Variants in SLC22A2 observed in about 807,000 individuals in gnomAD.
SLC22A2 encodes solute carrier family 22 member 2, also known as organic cation transporter 2.
A neutral mutation model predicts 60.5 loss-of-function variants in SLC22A2; 46 were observed. The observed-to-expected ratio is 0.76, with a 90% CI of 0.60 to 0.97. The LOEUF (loss-of-function observed/expected upper bound fraction) is 0.97. SLC22A2 is among the 50% of genes least tolerant of loss of function. SLC22A2 has a pLI of 0.00. For missense variants in SLC22A2, 701 were observed against 706.6 expected, an observed-to-expected ratio of 0.99 and a Z score of 0.09; for synonymous variants, 303 against 267.0, an observed-to-expected ratio of 1.13 and a Z score of -1.31.
Position 160,217,686 on chromosome 6 carries a change from C to T in SLC22A2, c.1602-188G>A, listed in dbSNP as rs528968415. 6.6e-5 allele frequency among the ~76,000 whole-genome samples: 10 copies of T among 152,174 alleles called. No individual in the cohort carries two copies. The South Asian group carries it at 1.5e-3, about 22-fold the overall frequency. On this transcript the variant is annotated intron_variant, in intron 10 of 10. Coordinates refer to ENST00000366953, the MANE Select transcript of SLC22A2 (RefSeq NM_003058.4). ...GACAGAACTTGTTGATAACTCATGTCGACAGAGTTATTCCTAAAATTATCT... is the reference window on the plus strand; with the variant it reads ...GACAGAACTTGTTGATAACTCATGTTGACAGAGTTATTCCTAAAATTATCT...
chr6:160,239,275 A>G (rs1583395922), intron 9 of SLC22A2, among the ~76,000 whole-genome samples: 1 of 152,196 alleles, frequency 6.6e-6, no homozygotes, highest in Admixed American at 6.5e-5. Flanking sequence ...GGAACTGCCC[A>G]TCCCTTTCCT....
chr6:160,232,003 G>GGC (rs1782833134), intron 9 of SLC22A2, among the ~76,000 whole-genome samples: 2 of 151,922 alleles, frequency 1.3e-5, no homozygotes, highest in South Asian at 4.1e-4. Flanking sequence ...CTACCACTGT[G>GGC]TTAATGCTTT....
At position 160,245,545 on chromosome 6, in the gene SLC22A2, G is replaced by A. The variant is rs758136736; in HGVS notation, c.958C>T (p.Arg320Cys). The change falls in exon 6 of 11, where the codon CGC (arginine) becomes TGC (cysteine). Residue 320 changes from arginine to cysteine, a missense_variant and splice_region_variant. Arg to Cys is a radical substitution (Grantham distance 180). Coordinates refer to ENST00000366953, the MANE Select transcript of SLC22A2 (RefSeq NM_003058.4). ...CCAGTTTCCTCTTCAAGTCTCAGGC[G>A]CTAAGAAAAGGAATAGAAAGGACGG... ...NGKSLPASLQ[R>C]LRLEEETGKK... 64 of 1,599,270 alleles carry A rather than the reference G, an allele frequency of 4.0e-5. No individual in the cohort carries two copies. Among genetic ancestry groups the A allele is most frequent in the Admixed American group, 2.5e-4 (15 of 59,464 alleles).
intron 9 of SLC22A2, among the ~76,000 whole-genome samples, chr6:160,239,741 AG>A (rs1364239856): frequency 2.0e-5 from 3 of 152,196 alleles, no homozygotes; most frequent in African/African-American, 7.2e-5. Flanking sequence ...ATGTCTCAGG[AG>A]TAGCACCAGC....
At chr6:160,241,727 C>A in intron 8 of SLC22A2, 141 bp from the exon 9 acceptor site, 1 of 497,530 alleles carries the variant, frequency 2.0e-6, no homozygotes, top group South Asian at 4.5e-5. Flanking sequence ...ACGGGTGCAC[C>A]AAAATCTCAG....
At chr6:160,245,331 C>A (rs1487751957) in intron 6 of SLC22A2, 108 bp downstream of exon 6, 1 of 588,116 alleles carries the variant, frequency 1.7e-6, no homozygotes, top group East Asian at 3.0e-5. Context: ...TTGCTGCCCA[C>A]CGTCAGCGCT....
chr6:160,219,162 C>T (rs1343647231), intron 10 of SLC22A2, among the ~76,000 whole-genome samples: 3 of 718 alleles, frequency 4.2e-3, no homozygotes, highest in Non-Finnish European at 5.8e-3. Context: ...ACAACAGCAG[C>T]AGCAACATCA....
At chr6:160,234,656 G>C (rs1347618722) in intron 9 of SLC22A2, among the ~76,000 whole-genome samples, 3 of 152,086 alleles carry the variant, frequency 2.0e-5, no homozygotes, top group Non-Finnish European at 2.9e-5. Flanking sequence ...TCTTTCTCTT[G>C]GTTTCCACCA....
chr6:160,258,113 C>A (rs1170799279), intron 1 of SLC22A2: 1 of 550,338 alleles, frequency 1.8e-6, no homozygotes, highest in East Asian at 3.1e-5. Flanking sequence ...GGGACATGCA[C>A]AAACTAGAAT....
At chr6:160,230,978 A>G (rs1327847937) in intron 9 of SLC22A2, among the ~76,000 whole-genome samples, 1 of 151,846 alleles carries the variant, frequency 6.6e-6, no homozygotes, top group Non-Finnish European at 1.5e-5. Context: ...GATGCTGACC[A>G]ATCACCTCGG....
At chr6:160,235,722 TAA>T (rs1398803717) in intron 9 of SLC22A2, among the ~76,000 whole-genome samples, 1 of 151,816 alleles carries the variant, frequency 6.6e-6, no homozygotes, top group African/African-American at 2.4e-5. Flanking sequence ...AAAAAGTTTG[TAA>T]AGAGTTATAA....
chr6:160,257,166 T>C (rs1469621959), intron 1 of SLC22A2, among the ~76,000 whole-genome samples: 1 of 152,224 alleles, frequency 6.6e-6, no homozygotes, highest in Non-Finnish European at 1.5e-5. Context: ...ACTGGGTAAT[T>C]ACTTATAGAC....
intron 2 of SLC22A2, among the ~76,000 whole-genome samples, chr6:160,254,057 C>T (rs958536258): frequency 1.7e-4 from 26 of 152,142 alleles, no homozygotes; most frequent in African/African-American, 4.8e-4. Context: ...GAGGGCAGAT[C>T]ACCTAAGGTC....
At chr6:160,231,811 T>G (rs1782829395) in intron 9 of SLC22A2, among the ~76,000 whole-genome samples, 1 of 151,852 alleles carries the variant, frequency 6.6e-6, no homozygotes, top group Non-Finnish European at 1.5e-5. Flanking sequence ...AAAACAGCCC[T>G]AAAAGCTGCT....
chr6:160,247,975 C>A (rs893967423), intron 4 of SLC22A2, among the ~76,000 whole-genome samples: 1 of 152,170 alleles, frequency 6.6e-6, no homozygotes, highest in African/African-American at 2.4e-5. Context: ...GGGATCATCA[C>A]TCTGGGAGCG....
chr6:160,220,159 GT>G (rs1782623742), intron 10 of SLC22A2, among the ~76,000 whole-genome samples: 1 of 152,212 alleles, frequency 6.6e-6, no homozygotes, highest in African/African-American at 2.4e-5. Flanking sequence ...CCCTGATGCT[GT>G]TTTGTTAACT....
At chr6:160,257,725 A>G (rs1308948248) in intron 1 of SLC22A2, 1 of 152,174 alleles carries the variant, frequency 6.6e-6, no homozygotes, top group African/African-American at 2.4e-5. Context: ...TTTGCTTTCA[A>G]TAAAAGCAAG....
At chr6:160,257,967 G>A (rs1783301496) in intron 1 of SLC22A2, 1 of 204,170 alleles carries the variant, frequency 4.9e-6, no homozygotes, top group Admixed American at 5.5e-5. Flanking sequence ...CGGGCTTTCA[G>A]GTGTGTGTGG....
At chr6:160,229,276 A>G (rs1045805820) in intron 9 of SLC22A2, among the ~76,000 whole-genome samples, 3 of 151,776 alleles carry the variant, frequency 2.0e-5, no homozygotes, top group Admixed American at 6.6e-5. Context: ...TCTTGGCACC[A>G]CACTTCAATC....
Sources: allele counts gnomAD v4.1 joint callset (sites outside exome capture counted in the v4.1 genomes callset), GRCh38; gene constraint gnomAD v4.1.1; transcripts MANE v1.5; gene names NCBI Gene and HGNC (gene_info 2026-07-23, HGNC 2026-07-21).